Variants in GLT8D2 observed in about 807,000 individuals in gnomAD.
The protein encoded by GLT8D2 is glycosyltransferase 8 domain containing 2.
Under a neutral mutation model 44.5 loss-of-function variants are expected in GLT8D2, and 45 were observed. The observed-to-expected ratio is 1.01, with a 90% confidence interval of 0.80 to 1.30. The LOEUF (loss-of-function observed/expected upper bound fraction) is 1.30. Ranked by LOEUF, GLT8D2 falls within the 50% of genes most tolerant of loss-of-function variation. The pLI is 0.00. For missense variants in GLT8D2, 400 were observed against 430.4 expected (o/e 0.93, Z 0.62); for synonymous variants, 156 against 157.2 (o/e 0.99, Z 0.06).
chr12:104,040,703 C>T lies in GLT8D2; in HGVS notation c.-164+9192G>A, dbSNP rs141034022. On this transcript the variant is annotated intron_variant, in intron 1 of 10. Transcript: ENST00000360814. The stretch of plus-strand genomic sequence containing the variant: ...CCTCCCAAAGTGCTGGGATTACAGG[C>T]GTGAGCCACCACGCCCAGCCTAACA... Among the ~76,000 whole-genome samples, 842 of 152,082 alleles carry T rather than the reference C, an allele frequency of 5.5e-3. 6 individuals are homozygous for T. Among genetic ancestry groups the T allele is most frequent in the African/African-American group, 0.019 (779 of 41,512 alleles).
intron 10 of GLT8D2, among the ~76,000 whole-genome samples, chr12:103,992,289 T>G (rs1011539174): frequency 6.6e-6 from 1 of 152,218 alleles, no homozygotes; most frequent in Non-Finnish European, 1.5e-5. Flanking sequence ...AGTAAAAGAC[T>G]TAGAGAACTC....
At chr12:103,996,570 T>TATG (rs1200029080) in intron 8 of GLT8D2, among the ~76,000 whole-genome samples, 165 bp downstream of exon 8, 1 of 152,164 alleles carries the variant, frequency 6.6e-6, no homozygotes, top group Non-Finnish European at 1.5e-5. Context: ...GGAGCTAAGA[T>TATG]ATGAACCAAA....
intron 4 of GLT8D2, among the ~76,000 whole-genome samples, chr12:104,004,098 C>A (rs1449151813): frequency 6.6e-6 from 1 of 152,102 alleles, no homozygotes; most frequent in African/African-American, 2.4e-5. Context: ...TAAATGTAAT[C>A]CAGCATATAA....
At chr12:104,004,378 AG>A (rs1312557244) in intron 4 of GLT8D2, among the ~76,000 whole-genome samples, 2 of 152,210 alleles carry the variant, frequency 1.3e-5, no homozygotes, top group Non-Finnish European at 2.9e-5. Context: ...AGTTCTGGCC[AG>A]GGCAATCAGG....
Position 104,015,028 on chromosome 12 carries a change from G to A in GLT8D2, c.97C>T (p.Pro33Ser), listed in dbSNP as rs1876371239. The A allele has an allele frequency of 6.2e-7, 1 of 1,611,964 alleles. No individual in the cohort carries two copies. Among genetic ancestry groups the A allele is most frequent in the Non-Finnish European group, 8.5e-7 (1 of 1,178,222 alleles). ...LYKKVHKGTV[P>S]KNDADDESET... ...GTCTGCTCACCTGCGTCATTCTTGG[G>A]CACAGTCCCCTTATGAACTTTCTTA... The change falls in exon 4 of 11, where the codon CCC (proline) becomes TCC (serine). Residue 33 changes from proline (P) to serine (S), a missense_variant. Physicochemically the swap from Pro to Ser is moderately conservative, Grantham distance 74. Transcript: ENST00000360814.
chr12:104,024,624 A>C (rs1878323077), intron 1 of GLT8D2, among the ~76,000 whole-genome samples: 1 of 152,012 alleles, frequency 6.6e-6, no homozygotes, highest in Non-Finnish European at 1.5e-5. Flanking sequence ...TTTAATTTGC[A>C]TTTCCCTAAT....
At chr12:104,042,689 G>T (rs1270050733) in intron 1 of GLT8D2, among the ~76,000 whole-genome samples, 1 of 152,122 alleles carries the variant, frequency 6.6e-6, no homozygotes, top group Non-Finnish European at 1.5e-5. Flanking sequence ...CTATCTTCTG[G>T]CTTCCCTGGA....
At chr12:104,049,029 A>G (rs1261989009) in intron 1 of GLT8D2, among the ~76,000 whole-genome samples, 1 of 152,202 alleles carries the variant, frequency 6.6e-6, no homozygotes, top group African/African-American at 2.4e-5. Context: ...TTCCAAGTGC[A>G]TTAAAGGGAG....
At chr12:104,028,004 C>A (rs1878788788) in intron 1 of GLT8D2, among the ~76,000 whole-genome samples, 1 of 152,174 alleles carries the variant, frequency 6.6e-6, no homozygotes, top group African/African-American at 2.4e-5. Context: ...AACTATGAGA[C>A]CACTCCAGAG....
intron 3 of GLT8D2, among the ~76,000 whole-genome samples, chr12:104,015,393 A>AACACACAC (rs55732553): frequency 0.15 from 18,686 of 125,976 alleles, 1,494 homozygotes; most frequent in Non-Finnish European, 0.18. Context: ...AACAACAACA[A>AACACACAC]ACACACACAC....
intron 4 of GLT8D2, among the ~76,000 whole-genome samples, chr12:104,013,106 C>A (rs575818265): frequency 6.6e-6 from 1 of 152,290 alleles, no homozygotes; most frequent in East Asian, 1.9e-4. Context: ...CCATTGTAAG[C>A]GTACAGTACA....
At chr12:104,016,739 GAAAGAAAGAA>G (rs1648201237) in intron 3 of GLT8D2, among the ~76,000 whole-genome samples, 1 of 93,858 alleles carries the variant, frequency 1.1e-5, no homozygotes, top group African/African-American at 4.1e-5. Context: ...AAGAAAGAAA[GAAAGAAAGAA>G]AGAAAGAAAG....
intron 1 of GLT8D2, among the ~76,000 whole-genome samples, chr12:104,035,651 A>G (rs984967505): frequency 2.0e-5 from 3 of 152,224 alleles, no homozygotes; most frequent in Admixed American, 6.5e-5. Context: ...CAAAACCTAC[A>G]AGAAATATGG....
intron 1 of GLT8D2, among the ~76,000 whole-genome samples, chr12:104,041,709 A>T (rs914986695): frequency 2.0e-5 from 3 of 152,242 alleles, no homozygotes; most frequent in Admixed American, 2.0e-4. Context: ...CGAATATACC[A>T]GGCACCCAGG....
intron 1 of GLT8D2, among the ~76,000 whole-genome samples, chr12:104,034,764 G>C (rs1879741295): frequency 6.6e-6 from 1 of 152,266 alleles, no homozygotes; most frequent in Admixed American, 6.5e-5. Flanking sequence ...AAACATCCCT[G>C]TCTGACAGCT....
intron 1 of GLT8D2, among the ~76,000 whole-genome samples, chr12:104,037,020 C>G (rs1006298621): frequency 6.6e-6 from 1 of 152,110 alleles, no homozygotes; most frequent in Non-Finnish European, 1.5e-5. Context: ...CACTCAAAAC[C>G]GCACAACTAC....
At chr12:104,018,924 CA>C (rs1488051055) in intron 3 of GLT8D2, among the ~76,000 whole-genome samples, 1 of 152,160 alleles carries the variant, frequency 6.6e-6, no homozygotes, top group Non-Finnish European at 1.5e-5. Context: ...GATCTAAAAT[CA>C]GAGGCAAATC....
chr12:104,015,210 A>G, intron 3 of GLT8D2, 105 bp from the exon 4 acceptor site: 1 of 772,000 alleles, frequency 1.3e-6, no homozygotes, highest in Non-Finnish European at 2.2e-6. Flanking sequence ...GACACAGAGG[A>G]GTGGTATCTG....
At chr12:104,021,926 A>AAGAG (rs1877779027) in intron 1 of GLT8D2, among the ~76,000 whole-genome samples, 1 of 25,930 alleles carries the variant, frequency 3.9e-5, no homozygotes, top group Non-Finnish European at 7.2e-5. Flanking sequence ...AAGAAGAAGA[A>AAGAG]GAAGAAGAAG....
Sources: gnomAD v4.1 joint callset for allele counts (sites outside exome capture counted in the v4.1 genomes callset) on GRCh38, gnomAD v4.1.1 for gene constraint, MANE v1.5 for transcripts, NCBI Gene and HGNC (gene_info 2026-07-23, HGNC 2026-07-21) for gene names.